The following MPC1 variants were observed in gnomAD, a reference collection of about 807,000 sequenced individuals.
The protein encoded by MPC1 is HSPC040 protein.
In MPC1, 6 loss-of-function variants were observed where a neutral mutation model predicts 13.9. The ratio of observed to expected loss-of-function variants is 0.43; its 90% CI spans 0.24 to 0.85. The LOEUF (loss-of-function observed/expected upper bound fraction) is 0.85. Ranked by LOEUF, MPC1 falls within the 40% of genes least tolerant of loss-of-function variation. MPC1 has a pLI of 0.24. For synonymous variants in MPC1, 47 were observed against 50.5 expected (o/e 0.93, Z 0.29); for missense variants, 115 against 143.3 (o/e 0.80, Z 1.01).
intron 1 of MPC1, among the ~76,000 whole-genome samples, chr6:166,379,326 T>G (rs1004454754): frequency 6.6e-6 from 1 of 152,026 alleles, no homozygotes; most frequent in African/African-American, 2.4e-5. Flanking sequence ...AGGTCCCATC[T>G]CTAAGAAAAA....
At chr6:166,381,945 C>T in intron 1 of MPC1, 1 of 397,314 alleles carries the variant, frequency 2.5e-6, no homozygotes, top group Non-Finnish European at 3.4e-6. Context: ...TGGGCGCACC[C>T]GAAGCTCCGC....
intron 1 of MPC1, among the ~76,000 whole-genome samples, chr6:166,373,142 C>T (rs1325668006): frequency 6.6e-6 from 1 of 152,160 alleles, no homozygotes; most frequent in Non-Finnish European, 1.5e-5. Context: ...ACGAAACTTA[C>T]ATTGACACAG....
At chr6:166,373,466 T>C (rs937562987) in intron 1 of MPC1, among the ~76,000 whole-genome samples, 1 of 152,240 alleles carries the variant, frequency 6.6e-6, no homozygotes. Context: ...ATAGCTCACT[T>C]TTTAGTGCTG....
intron 1 of MPC1, among the ~76,000 whole-genome samples, chr6:166,374,872 T>C (rs1223101099): frequency 1.3e-5 from 2 of 152,342 alleles, no homozygotes; most frequent in East Asian, 3.9e-4. Context: ...AGTTAGGTAA[T>C]GTCAGTCCTC....
intron 1 of MPC1, among the ~76,000 whole-genome samples, chr6:166,375,588 A>T (rs1779539238): frequency 6.6e-6 from 1 of 151,994 alleles, no homozygotes; most frequent in Non-Finnish European, 1.5e-5. Flanking sequence ...ACAAATTCTG[A>T]TAAGTTGTGT....
intron 1 of MPC1, among the ~76,000 whole-genome samples, chr6:166,370,800 C>T (rs867373480): frequency 6.6e-6 from 1 of 151,834 alleles, no homozygotes; most frequent in African/African-American, 2.4e-5. Context: ...CACTGTACTC[C>T]AGCCTGGGCA....
Position 166,365,225 on chromosome 6 carries a change from T to C in MPC1, c.*204A>G, listed in dbSNP as rs992086729. 30 of 417,198 alleles carry C rather than the reference T, an allele frequency of 7.2e-5. No homozygotes were observed. The highest frequency in any genetic ancestry group is 8.5e-4 in the Middle Eastern group (2 of 2,344). The allele number at this position is 417,198 out of a possible 1,614,324, so 25.8% of individuals were successfully genotyped here. On this transcript the variant is annotated 3_prime_UTR_variant, in exon 5 of 5. Transcript: ENST00000360961. The surrounding 1 kb of genome is among the most constrained non-coding windows in gnomAD (Gnocchi z 4.2). Reference sequence around the variant, plus strand: ...TAATTGCATATTTTGAGCTACTCTTTATGGAAAGAAGTAAAATATTTAATA... The same window carrying C: ...TAATTGCATATTTTGAGCTACTCTTCATGGAAAGAAGTAAAATATTTAATA...
intron 2 of MPC1, chr6:166,368,871 C>T: frequency 1.0e-6 from 1 of 985,648 alleles, no homozygotes; most frequent in African/African-American, 1.7e-5. Context: ...TCCGTTTACT[C>T]TCTTGCCACT....
intron 1 of MPC1, among the ~76,000 whole-genome samples, chr6:166,371,314 G>T (rs1159085155): frequency 6.6e-6 from 1 of 152,116 alleles, no homozygotes; most frequent in Admixed American, 6.5e-5. Context: ...TTGAATGAAT[G>T]AATGAATAGT....
At chr6:166,369,970 T>A (rs896226564) in intron 2 of MPC1, 6 of 661,976 alleles carry the variant, frequency 9.1e-6, no homozygotes, top group Non-Finnish European at 1.7e-5. Context: ...GTGACTGTTA[T>A]CAATGAAGTA....
Position 166,382,868 on chromosome 6 carries a change from G to C in MPC1, c.9C>G (p.Gly3=), listed in dbSNP as rs770608276. The C allele has an allele frequency of 2.5e-6, 4 of 1,591,106 alleles. No individual in the cohort carries two copies. The East Asian group carries it at 9.4e-5, about 37-fold the overall frequency. The change falls in exon 1 of 5, where the codon GGC becomes GGG. Residue 3 remains glycine, a synonymous_variant. Coordinates refer to ENST00000360961, the MANE Select transcript of MPC1 (RefSeq NM_016098.4). ...AGTCCGCCGCTTTCCGCACCAACGC[G>C]CCCGCCATGGCTGTGCCGACACCAG... The part of the protein sequence containing the change: MA[G]ALVRKAADYV...
rs1279422945 is a variant in MPC1, at chr6:166,366,803, A to T, written c.164T>A (p.Met55Lys). Residue 55 changes from methionine to lysine, a missense_variant, in exon 3 of 5, where the codon ATG (methionine) becomes AAG (lysine). Met to Lys is a moderately conservative substitution (Grantham distance 95). Coordinates refer to ENST00000360961, the MANE Select transcript of MPC1 (RefSeq NM_016098.4). ...CAAATCTGCATTCTTACCAAATGTCATCCGCCCACTGATAATCTCTGGAGA... is the reference window on the plus strand; with the variant it reads ...CAAATCTGCATTCTTACCAAATGTCTTCCGCCCACTGATAATCTCTGGAGA... ...KKSPEIISGR[M>K]TFALCCYSLT... The T allele has an allele frequency of 1.9e-6, 3 of 1,614,010 alleles. No individual in the cohort carries two copies. The highest frequency in any genetic ancestry group is 2.2e-5 in the East Asian group (1 of 44,884).
At chr6:166,372,774 C>T (rs1779428141) in intron 1 of MPC1, among the ~76,000 whole-genome samples, 1 of 150,730 alleles carries the variant, frequency 6.6e-6, no homozygotes, top group African/African-American at 2.4e-5. Flanking sequence ...AATTTATAAG[C>T]CACATATAAA....
rs1249552128 is a variant in MPC1, at chr6:166,366,905, G to A, written c.76-14C>T. ...GCCCCAGAAGTGCTACAAAAAATGAGAGGAAAAGAATGAAGAGAGGAAAAA... is the reference window on the plus strand; with the variant it reads ...GCCCCAGAAGTGCTACAAAAAATGAAAGGAAAAGAATGAAGAGAGGAAAAA... On this transcript the variant is annotated splice_polypyrimidine_tract_variant and intron_variant, in intron 2 of 4. Transcript: ENST00000360961. 1.5e-5 allele frequency: 25 copies of A among 1,613,862 alleles called. No individual in the cohort carries two copies. The highest frequency in any genetic ancestry group is 1.9e-5 in the Non-Finnish European group (23 of 1,179,770).
In MPC1 at chr6:166,382,932, G is replaced by C; in HGVS notation, c.-56C>G. 8 of 1,543,374 alleles carry C rather than the reference G, an allele frequency of 5.2e-6. No homozygotes were observed. Among genetic ancestry groups the C allele is most frequent in the Non-Finnish European group, 7.0e-6 (8 of 1,142,406 alleles). On this transcript the variant is annotated 5_prime_UTR_variant, in exon 1 of 5. Transcript: ENST00000360961. ...CCTGCCTCTGCTGCCGCTTCCCAGA[G>C]CCAATGACACCCCGGCCAACCCCCC...
chr6:166,367,387 C>G (rs1472208329), intron 2 of MPC1, among the ~76,000 whole-genome samples: 1 of 152,026 alleles, frequency 6.6e-6, no homozygotes, highest in Non-Finnish European at 1.5e-5. Flanking sequence ...AAGAAAGAAG[C>G]TTAATAAGAG....
At chr6:166,366,692 C>A (rs545680580) in intron 3 of MPC1, 103 bp downstream of exon 3, 15 of 1,118,606 alleles carry the variant, frequency 1.3e-5, no homozygotes, top group South Asian at 1.2e-4. Context: ...CTGTATGTGA[C>A]TTTCTAATAG....
At chr6:166,375,018 A>G (rs1477514256) in intron 1 of MPC1, among the ~76,000 whole-genome samples, 1 of 152,252 alleles carries the variant, frequency 6.6e-6, no homozygotes, top group Admixed American at 6.5e-5. Context: ...ATTCACTTAA[A>G]AAAAGTACTT....
At chr6:166,367,197 T>A in intron 2 of MPC1, 1 of 1,174,700 alleles carries the variant, frequency 8.5e-7, no homozygotes, top group Non-Finnish European at 1.1e-6. Flanking sequence ...ATTTAGAACA[T>A]TTAAAAATAA....
Sources: allele counts gnomAD v4.1 joint callset (sites outside exome capture counted in the v4.1 genomes callset), GRCh38; gene constraint gnomAD v4.1.1; non-coding constraint Gnocchi (gnomAD v3.1); transcripts MANE v1.5; gene names NCBI Gene and HGNC (gene_info 2026-07-23, HGNC 2026-07-21).